Variants in GALM observed in about 807,000 individuals in gnomAD.
GALM encodes aldose 1-epimerase.
GALM carries 43 observed loss-of-function variants against 37.4 expected under a neutral mutation model. That is an observed-to-expected ratio of 1.15 (90% CI 0.90 to 1.48). GALM has a LOEUF of 1.48. Ranked by LOEUF, GALM falls within the 40% of genes most tolerant of loss-of-function variation. The pLI is 0.00. For synonymous variants in GALM, 199 were observed against 170.6 expected, an observed-to-expected ratio of 1.17 and a Z score of -1.30; for missense variants, 456 against 419.1, an observed-to-expected ratio of 1.09 and a Z score of -0.77.
At chr2:38,671,621 C>A (rs1377468844) in intron 1 of GALM, among the ~76,000 whole-genome samples, 1 of 152,166 alleles carries the variant, frequency 6.6e-6, no homozygotes, top group Non-Finnish European at 1.5e-5. Flanking sequence ...GTATCAGTAA[C>A]ATTTGAAGGT....
At chr2:38,698,380 A>T in intron 4 of GALM, 1 of 1,304,530 alleles carries the variant, frequency 7.7e-7, no homozygotes, top group South Asian at 1.2e-5. Context: ...CACCAACAGA[A>T]GGTTTCTGCA....
intron 3 of GALM, among the ~76,000 whole-genome samples, chr2:38,686,944 T>C (rs10186448): frequency 0.031 from 4,697 of 152,246 alleles, 242 homozygotes; most frequent in African/African-American, 0.11. Context: ...GGAGGTGCTT[T>C]GGTCCACCTG....
At chr2:38,727,045 G>A (rs538881686) in intron 4 of GALM, among the ~76,000 whole-genome samples, 45 of 151,662 alleles carry the variant, frequency 3.0e-4, no homozygotes, top group African/African-American at 1.1e-3. Context: ...TTGAAACCCC[G>A]TCTCTACAAA....
At chr2:38,674,423 C>G (rs936836927) in intron 1 of GALM, among the ~76,000 whole-genome samples, 10 of 152,104 alleles carry the variant, frequency 6.6e-5, no homozygotes, top group African/African-American at 2.2e-4. Flanking sequence ...CTCTTGACCT[C>G]GTGATCCACC....
chr2:38,690,807 G>A (rs947956120), intron 4 of GALM, among the ~76,000 whole-genome samples: 4 of 152,150 alleles, frequency 2.6e-5, no homozygotes, highest in African/African-American at 9.7e-5. Context: ...GTAAGCATGT[G>A]AGCCTGCATA....
chr2:38,669,923 C>T (rs1198303573), intron 1 of GALM, among the ~76,000 whole-genome samples: 9 of 146,764 alleles, frequency 6.1e-5, no homozygotes, highest in Non-Finnish European at 1.3e-4. Context: ...AGTGCAGTGG[C>T]GCTATCTCGG....
intron 4 of GALM, among the ~76,000 whole-genome samples, chr2:38,713,904 C>CA (rs33924000): frequency 7.2e-4 from 99 of 138,002 alleles, no homozygotes; most frequent in South Asian, 9.4e-4. Context: ...GACCCTGCTT[C>CA]AAAAAAAAAA....
chr2:38,722,775 C>A (rs1181768029), intron 4 of GALM, among the ~76,000 whole-genome samples: 3 of 152,258 alleles, frequency 2.0e-5, no homozygotes, highest in South Asian at 2.1e-4. Context: ...TTTCTAAATT[C>A]TTAGTGAGAA....
intron 4 of GALM, among the ~76,000 whole-genome samples, chr2:38,697,458 A>AT (rs1665835066): frequency 6.6e-6 from 1 of 151,944 alleles, no homozygotes; most frequent in Non-Finnish European, 1.5e-5. Flanking sequence ...TCAACTCCTT[A>AT]TTTTTGTTTT....
intron 4 of GALM, among the ~76,000 whole-genome samples, chr2:38,727,018 C>A (rs997419438): frequency 1.3e-5 from 2 of 151,874 alleles, no homozygotes; most frequent in African/African-American, 4.8e-5. Flanking sequence ...AAGTTTGAGA[C>A]CAGCCTGGCC....
chr2:38,729,728 A>C (rs1227286822), intron 5 of GALM, 31 bp downstream of exon 5: 1 of 1,588,068 alleles, frequency 6.3e-7, no homozygotes, highest in East Asian at 2.3e-5. Flanking sequence ...TGAGTCTGTA[A>C]GGAAGAAATG....
intron 4 of GALM, among the ~76,000 whole-genome samples, chr2:38,704,492 C>T (rs1665999253): frequency 1.3e-5 from 2 of 151,940 alleles, no homozygotes; most frequent in South Asian, 4.2e-4. Flanking sequence ...TACAGAGAGA[C>T]CCCATTTTTA....
chr2:38,709,647 T>C (rs1666110766), intron 4 of GALM, among the ~76,000 whole-genome samples: 1 of 151,858 alleles, frequency 6.6e-6, no homozygotes, highest in Non-Finnish European at 1.5e-5. Flanking sequence ...ACCTGCAGCA[T>C]AGACAAGCTT....
At chr2:38,679,036 G>C (rs894992298) in intron 2 of GALM, among the ~76,000 whole-genome samples, 1 of 152,022 alleles carries the variant, frequency 6.6e-6, no homozygotes, top group Non-Finnish European at 1.5e-5. Context: ...GCCCAGGCTG[G>C]AGTGCAGTGG....
rs1572549503 is a variant in GALM, at chr2:38,733,674, T to G, written c.*109T>G. Reference sequence around the variant, plus strand: ...TTCAGAATGATTCTATGGATTAAAATCATACAAATGGTGGCTGTTCTGAGA... The same window carrying G: ...TTCAGAATGATTCTATGGATTAAAAGCATACAAATGGTGGCTGTTCTGAGA... On this transcript the variant is annotated 3_prime_UTR_variant, in exon 7 of 7. Coordinates refer to ENST00000272252, the MANE Select transcript of GALM (RefSeq NM_138801.3). 2.4e-6 allele frequency: 2 copies of G among 844,374 alleles called. No homozygotes were observed. The highest frequency in any genetic ancestry group is 5.1e-5 in the East Asian group (2 of 39,424). 52.3% of individuals were successfully genotyped at this position (844,374 alleles called of 1,614,324 possible).
At chr2:38,676,211 A>G in intron 2 of GALM, 145 bp downstream of exon 2, 2 of 737,512 alleles carry the variant, frequency 2.7e-6, no homozygotes, top group Non-Finnish European at 4.5e-6. Context: ...CAGCAGGTGC[A>G]ATGGGCATGT....
intron 4 of GALM, among the ~76,000 whole-genome samples, chr2:38,695,966 T>G (rs1665795662): frequency 6.6e-6 from 1 of 152,128 alleles, no homozygotes; most frequent in South Asian, 2.1e-4. Flanking sequence ...CCCGAAGTGC[T>G]GGGATTACAG....
chr2:38,716,754 G>C (rs1483141862), intron 4 of GALM, among the ~76,000 whole-genome samples: 1 of 152,172 alleles, frequency 6.6e-6, no homozygotes, highest in Non-Finnish European at 1.5e-5. Context: ...TGAGGTGGGA[G>C]GATGGCTTGA....
At chr2:38,696,173 G>T (rs1425674554) in intron 4 of GALM, among the ~76,000 whole-genome samples, 2 of 151,362 alleles carry the variant, frequency 1.3e-5, no homozygotes, top group African/African-American at 4.9e-5. Context: ...AGGCTGGAGT[G>T]CAATGGCGTG....
Sources: allele counts gnomAD v4.1 joint callset (sites outside exome capture counted in the v4.1 genomes callset), GRCh38; gene constraint gnomAD v4.1.1; transcripts MANE v1.5; gene names NCBI Gene and HGNC (gene_info 2026-07-23, HGNC 2026-07-21).